Variants in COL21A1 observed in about 807,000 individuals in gnomAD.
The protein encoded by COL21A1 is collagen type XXI alpha 1 chain.
A neutral mutation model predicts 137.9 loss-of-function variants in COL21A1; 149 were observed. That is an observed-to-expected ratio of 1.08 (90% CI 0.95 to 1.24). COL21A1 has a LOEUF of 1.24. COL21A1 is among the 50% of genes most tolerant of loss of function. The pLI is 0.00. For synonymous variants in COL21A1, 456 were observed against 391.5 expected (o/e 1.16, Z -1.95); for missense variants, 1,167 against 1,158.4 (o/e 1.01, Z -0.11).
At chr6:56,254,577 T>C (rs1426377165) in intron 1 of COL21A1, among the ~76,000 whole-genome samples, 1 of 152,228 alleles carries the variant, frequency 6.6e-6, no homozygotes, top group Non-Finnish European at 1.5e-5. Context: ...AGTTAACTTA[T>C]CAATACATAA....
chr6:56,320,495 C>A (rs1292318430), intron 1 of COL21A1, among the ~76,000 whole-genome samples: 1 of 148,086 alleles, frequency 6.8e-6, no homozygotes. Context: ...CCTATGATAA[C>A]CCCCAAGGTC....
intron 5 of COL21A1, among the ~76,000 whole-genome samples, chr6:56,169,360 T>C (rs1776845802): frequency 6.6e-6 from 1 of 151,952 alleles, no homozygotes; most frequent in Non-Finnish European, 1.5e-5. Flanking sequence ...AGGATAAAGT[T>C]GAAAGTATTA....
At chr6:56,203,759 G>A (rs2152299882) in intron 1 of COL21A1, among the ~76,000 whole-genome samples, 1 of 152,306 alleles carries the variant, frequency 6.6e-6, no homozygotes, top group Non-Finnish European at 1.5e-5. Context: ...ATTTCCAACT[G>A]AGGTACCCAG....
chr6:56,366,925 C>T (rs9370525), intron 1 of COL21A1, among the ~76,000 whole-genome samples: 71,168 of 151,994 alleles, frequency 0.47, 17,386 homozygotes, highest in East Asian at 0.77. Context: ...TTTAGGGTGT[C>T]CTTTGTACTA....
chr6:56,266,776 T>A (rs1479975628), intron 1 of COL21A1, among the ~76,000 whole-genome samples: 1 of 152,234 alleles, frequency 6.6e-6, no homozygotes, highest in African/African-American at 2.4e-5. Flanking sequence ...GCTCTTCTAA[T>A]CTTAAGAATC....
chr6:56,384,396 G>GA (rs995670615), intron 1 of COL21A1, among the ~76,000 whole-genome samples: 6 of 151,802 alleles, frequency 4.0e-5, no homozygotes, highest in East Asian at 3.9e-4. Flanking sequence ...TGATCTGTGG[G>GA]AAAAAAAATC....
At chr6:56,239,988 A>G (rs1349991145) in intron 1 of COL21A1, among the ~76,000 whole-genome samples, 1 of 152,080 alleles carries the variant, frequency 6.6e-6, no homozygotes, top group Non-Finnish European at 1.5e-5. Flanking sequence ...GATTTCCCCC[A>G]TACTGTTCTC....
At chr6:56,389,752 C>G (rs1160696143) in intron 1 of COL21A1, among the ~76,000 whole-genome samples, 2 of 152,108 alleles carry the variant, frequency 1.3e-5, no homozygotes, top group Admixed American at 1.3e-4. Flanking sequence ...TCAGTGGAAC[C>G]TTACAGGGCA....
chr6:56,066,726 T>C (rs894439853), intron 23 of COL21A1, among the ~76,000 whole-genome samples: 1 of 151,772 alleles, frequency 6.6e-6, no homozygotes, highest in Non-Finnish European at 1.5e-5. Context: ...GAGGTGAAAC[T>C]ATCCTTGTCT....
At chr6:56,392,965 A>G (rs971188214) in intron 1 of COL21A1, among the ~76,000 whole-genome samples, 6 of 152,072 alleles carry the variant, frequency 3.9e-5, no homozygotes, top group Non-Finnish European at 7.4e-5. Flanking sequence ...TCAAAATACA[A>G]ATAACATTCT....
chr6:56,120,193 A>G (rs755705028), intron 16 of COL21A1, among the ~76,000 whole-genome samples: 1 of 152,146 alleles, frequency 6.6e-6, no homozygotes, highest in Non-Finnish European at 1.5e-5. Context: ...ATTTCAAAGG[A>G]CTCTGTAGAA....
chr6:56,283,348 GA>G (rs901296054), intron 1 of COL21A1, among the ~76,000 whole-genome samples: 2 of 151,284 alleles, frequency 1.3e-5, no homozygotes, highest in Non-Finnish European at 1.5e-5. Context: ...TAACCATGTA[GA>G]AAAAAAATCT....
intron 9 of COL21A1, among the ~76,000 whole-genome samples, chr6:56,158,756 A>G (rs185948501): frequency 9.2e-5 from 14 of 152,298 alleles, no homozygotes; most frequent in African/African-American, 2.9e-4. Context: ...TAAGGAACCA[A>G]TAAAGCAGGG....
Position 56,060,135 on chromosome 6 carries a change from C to T in COL21A1, c.2491G>A (p.Gly831Arg). The T allele has an allele frequency of 6.2e-7, 1 of 1,611,256 alleles. No homozygotes were observed. Among genetic ancestry groups the T allele is most frequent in the Non-Finnish European group, 8.5e-7 (1 of 1,179,134 alleles). ...LSQHGSPGIPGPPGPIGPEGP... is the reference protein window; with the variant it reads ...LSQHGSPGIPRPPGPIGPEGP... ...TCTGGGCCTATCGGACCAGGTGGCC[C>T]AGGAATACCCGGGGAGCCATGTTGG... Residue 831 changes from glycine (G) to arginine (R), a missense_variant, in exon 28 of 30, where the codon GGG becomes AGG. Transcript: ENST00000244728.
At chr6:56,092,498 G>A (rs1004706834) in intron 17 of COL21A1, among the ~76,000 whole-genome samples, 1 of 152,086 alleles carries the variant, frequency 6.6e-6, no homozygotes, top group Non-Finnish European at 1.5e-5. Context: ...AATGAAAAAT[G>A]TAGGAAAATG....
intron 1 of COL21A1, among the ~76,000 whole-genome samples, chr6:56,327,778 G>C (rs1486825388): frequency 6.6e-6 from 1 of 152,008 alleles, no homozygotes; most frequent in Non-Finnish European, 1.5e-5. Flanking sequence ...CCTAAGCTTA[G>C]GTTTCTTCAA....
At chr6:56,317,373 C>G (rs918960663) in intron 1 of COL21A1, among the ~76,000 whole-genome samples, 1 of 152,170 alleles carries the variant, frequency 6.6e-6, no homozygotes, top group African/African-American at 2.4e-5. Context: ...CACTGTGGCT[C>G]TCTGCTGCAA....
chr6:56,266,232 T>C (rs577720003), intron 1 of COL21A1, among the ~76,000 whole-genome samples: 62 of 152,242 alleles, frequency 4.1e-4, no homozygotes, highest in African/African-American at 1.4e-3. Flanking sequence ...ATAAATCAGC[T>C]TCATGAATGT....
chr6:56,078,133 G>A (rs919480905), intron 17 of COL21A1: 1 of 455,744 alleles, frequency 2.2e-6, no homozygotes, highest in African/African-American at 2.0e-5. Flanking sequence ...AGTTTGTGAA[G>A]AGACATAAAG....
Sources: allele counts gnomAD v4.1 joint callset (sites outside exome capture counted in the v4.1 genomes callset), GRCh38; gene constraint gnomAD v4.1.1; transcripts MANE v1.5; gene names NCBI Gene and HGNC (gene_info 2026-07-23, HGNC 2026-07-21).